The following MYBPC1 variants were observed in gnomAD, a reference collection of about 807,000 sequenced individuals.
MYBPC1 encodes myosin binding protein C1, also known as myosin-binding protein C, slow-type.
A neutral mutation model predicts 147.1 loss-of-function variants in MYBPC1; 52 were observed. The ratio of observed to expected loss-of-function variants is 0.35; its 90% CI spans 0.28 to 0.45. The LOEUF is 0.45. MYBPC1 is among the 20% of genes least tolerant of loss of function. The pLI is 1.00. For missense variants in MYBPC1, 1,228 were observed against 1,440.3 expected (o/e 0.85, Z 2.39); for synonymous variants, 477 against 475.9 (o/e 1.00, Z -0.03).
intron 8 of MYBPC1, among the ~76,000 whole-genome samples, chr12:101,633,922 C>T (rs1223535725): frequency 6.7e-6 from 1 of 149,486 alleles, no homozygotes; most frequent in Non-Finnish European, 1.5e-5. Context: ...GACGGAGTCT[C>T]GCTCCTCTCT....
chr12:101,651,385 C>T lies in MYBPC1; in HGVS notation c.1518C>T (p.His506=), dbSNP rs3817552. The change falls in exon 16 of 32, where the codon CAC becomes CAT. Residue 506 remains histidine, a synonymous_variant. Transcript: ENST00000361466. ...VQESDRLKVV[H]KGRIHKLVIA... ...AGAGTGACCGTCTAAAGGTGGTTCACAAGGGAAGGTAAGCGAGCCAGGTGA... is the reference window on the plus strand; with the variant it reads ...AGAGTGACCGTCTAAAGGTGGTTCATAAGGGAAGGTAAGCGAGCCAGGTGA... 1.2e-6 allele frequency: 2 copies of T among 1,613,868 alleles called. No homozygotes were observed. The highest frequency in any genetic ancestry group is 2.2e-5 in the South Asian group (2 of 91,070).
intron 24 of MYBPC1, 42 bp downstream of exon 24, chr12:101,670,451 G>T (rs748664622): frequency 2.6e-6 from 4 of 1,530,870 alleles, no homozygotes; most frequent in Non-Finnish European, 3.6e-6. Flanking sequence ...TAGAGGGCTG[G>T]ATTAGTTTAG....
intron 20 of MYBPC1, 67 bp downstream of exon 20, chr12:101,661,329 C>T: frequency 2.0e-6 from 2 of 991,052 alleles, no homozygotes; most frequent in South Asian, 1.3e-5. Flanking sequence ...CATCTTAGTA[C>T]AGAGCACATT....
chr12:101,689,471 C>T (rs1048939025), downstream of MYBPC1, among the ~76,000 whole-genome samples: 6 of 152,176 alleles, frequency 3.9e-5, no homozygotes, highest in Non-Finnish European at 8.8e-5. Flanking sequence ...GACTCTGAAA[C>T]ATCCCTGACA....
At chr12:101,655,999 A>T (rs1184334108) in intron 18 of MYBPC1, among the ~76,000 whole-genome samples, 3 of 152,150 alleles carry the variant, frequency 2.0e-5, no homozygotes, top group Admixed American at 2.0e-4. Flanking sequence ...TATGTATTTT[A>T]TATATAAGTG....
chr12:101,659,524 T>C (rs1896162732), intron 18 of MYBPC1, 148 bp from the exon 19 acceptor site: 3 of 806,902 alleles, frequency 3.7e-6, no homozygotes, highest in African/African-American at 3.4e-5. Context: ...GAACACTATA[T>C]AGTTACACTA....
At chr12:101,651,541 T>C in intron 16 of MYBPC1, 148 bp downstream of exon 16, 2 of 1,042,010 alleles carry the variant, frequency 1.9e-6, no homozygotes, top group East Asian at 2.5e-5. Context: ...AGCAAGAAGG[T>C]GTGATTTCTC....
At chr12:101,644,821 T>G in intron 12 of MYBPC1, 25 bp downstream of exon 12, 1 of 1,608,108 alleles carries the variant, frequency 6.2e-7, no homozygotes, top group Non-Finnish European at 8.5e-7. Flanking sequence ...CAAAAATCAG[T>G]GATAGCTCTA....
intron 19 of MYBPC1, among the ~76,000 whole-genome samples, chr12:101,660,813 G>A (rs139696923): frequency 6.6e-6 from 1 of 152,152 alleles, no homozygotes; most frequent in Non-Finnish European, 1.5e-5. Context: ...ACAAGAGAGA[G>A]AGAATGAGAA....
chr12:101,620,024 C>G (rs548599646), intron 3 of MYBPC1, among the ~76,000 whole-genome samples: 1 of 152,296 alleles, frequency 6.6e-6, no homozygotes, highest in Admixed American at 6.5e-5. Flanking sequence ...GCCAATTTCC[C>G]AGCACGGGGT....
chr12:101,624,253 T>C (rs1208127484), intron 3 of MYBPC1, among the ~76,000 whole-genome samples: 1 of 152,126 alleles, frequency 6.6e-6, no homozygotes, highest in African/African-American at 2.4e-5. Context: ...GTAATTTTAT[T>C]AAAAAGTAAT....
chr12:101,640,403 G>T lies in MYBPC1; in HGVS notation c.666-2016G>T, dbSNP rs78258126. ...AAGTGTTTACTGTTTCCAGGAAGTAGATTTAGTGGATCTGGCAAATTATTA... is the reference window on the plus strand; with the variant it reads ...AAGTGTTTACTGTTTCCAGGAAGTATATTTAGTGGATCTGGCAAATTATTA... On this transcript the variant is annotated intron_variant, in intron 10 of 31. Transcript: ENST00000361466. 4.9e-3 allele frequency among the ~76,000 whole-genome samples: 747 copies of T among 152,304 alleles called. 2 individuals are homozygous for T. Among genetic ancestry groups the T allele is most frequent in the African/African-American group, 0.015 (619 of 41,556 alleles).
At chr12:101,615,275 A>G (rs1367724841) in intron 2 of MYBPC1, among the ~76,000 whole-genome samples, 1 of 152,228 alleles carries the variant, frequency 6.6e-6, no homozygotes, top group Non-Finnish European at 1.5e-5. Flanking sequence ...CTTCAGAGTC[A>G]TTTATCAGCC....
Position 101,629,508 on chromosome 12 carries a change from T to C in MYBPC1, c.253T>C (p.Phe85Leu), listed in dbSNP as rs1482178435. ...QNANSQLSIL[F>L]IEKPQGGTVK... is the part of the protein sequence containing the mutation. The stretch of plus-strand genomic sequence containing the variant: ...TGCCAACTCCCAGCTGTCCATCTTG[T>C]TCATTGAAAAACCTCAAGGAGGAAC... Residue 85 changes from phenylalanine (F) to leucine (L), a missense_variant, in exon 6 of 32, where the codon TTC (phenylalanine) becomes CTC (leucine). By Grantham distance (22) the Phe-to-Leu change is conservative (BLOSUM62 0). This residue lies in a region of MYBPC1 where 151 missense variants were observed against 126.1 expected (regional missense o/e 1.20). Coordinates refer to ENST00000361466, the MANE Select transcript of MYBPC1 (RefSeq NM_002465.4). 1 of 1,613,938 alleles carries C rather than the reference T, an allele frequency of 6.2e-7. No homozygotes were observed. The highest frequency in any genetic ancestry group is 1.3e-5 in the African/African-American group (1 of 75,026).
rs1896491497 is a variant in MYBPC1 at position 101,661,198 on chromosome 12, G to A, written c.1968G>A (p.Val656=). Reference sequence around the variant, plus strand: ...CAGTGGCACCGACTGTGACAGAGGTGGGAGATGACTGGTGTATCATGAACT... The same window carrying A: ...CAGTGGCACCGACTGTGACAGAGGTAGGAGATGACTGGTGTATCATGAACT... ...DPPVAPTVTE[V]GDDWCIMNWE... Residue 656 remains valine (V), a synonymous_variant, in exon 20 of 32, where the codon GTG becomes GTA. Coordinates refer to ENST00000361466, the MANE Select transcript of MYBPC1 (RefSeq NM_002465.4). 6.2e-7 allele frequency: 1 copy of A among 1,613,798 alleles called. No individual in the cohort carries two copies.
In MYBPC1 at chr12:101,627,775, G is replaced by A. The variant is rs531204725; in HGVS notation, c.149G>A (p.Gly50Asp). ...AATCACACTTTCCTTTCAGGTTTGG[G>A]TAGTCGGGCCCTGGAGAGAAAAGAT... ...SPPSALPPGL[G>D]SRALERKDSD... Residue 50 changes from glycine (G) to aspartate (D), a missense_variant, in exon 5 of 32, where the codon GGT becomes GAT. Physicochemically the swap from Gly to Asp is moderately conservative, Grantham distance 94. Coordinates refer to ENST00000361466, the MANE Select transcript of MYBPC1 (RefSeq NM_002465.4). The A allele has an allele frequency of 1.9e-6, 3 of 1,613,846 alleles. No homozygotes were observed. Among genetic ancestry groups the A allele is most frequent in the African/African-American group, 1.3e-5 (1 of 75,002 alleles).
chr12:101,654,973 C>T (rs1262515318), intron 18 of MYBPC1, among the ~76,000 whole-genome samples: 2 of 152,106 alleles, frequency 1.3e-5, no homozygotes, highest in Admixed American at 6.5e-5. Flanking sequence ...TATAGGAATA[C>T]AAAAATATCA....
chr12:101,674,837 G>T (rs1899519970), intron 25 of MYBPC1, among the ~76,000 whole-genome samples: 1 of 139,480 alleles, frequency 7.2e-6, no homozygotes, highest in Non-Finnish European at 1.5e-5. Flanking sequence ...CACTCAGCCT[G>T]GGTGACAGAC....
At position 101,637,775 on chromosome 12, in the gene MYBPC1, G is replaced by A. The variant is rs566913100; in HGVS notation, c.665+1047G>A. The stretch of plus-strand genomic sequence containing the variant: ...TGTTTAGTTAGATAGCTGTATTGAA[G>A]TCTCTGTAAATGAAAAATTTACCCC... On this transcript the variant is annotated intron_variant, in intron 10 of 31. Transcript: ENST00000361466. 1.6e-4 allele frequency among the ~76,000 whole-genome samples: 25 copies of A among 152,232 alleles called. No individual in the cohort carries two copies. The South Asian group carries it at 2.9e-3, about 18-fold the overall frequency.
Sources: allele counts gnomAD v4.1 joint callset (sites outside exome capture counted in the v4.1 genomes callset), GRCh38; gene constraint gnomAD v4.1.1; regional missense constraint gnomAD v4.1.1; transcripts MANE v1.5; gene names NCBI Gene and HGNC (gene_info 2026-07-23, HGNC 2026-07-21).